Variants in UMODL1 observed in about 807,000 individuals in gnomAD.
The protein encoded by UMODL1 is uromodulin-like 1.
A neutral mutation model predicts 136.3 loss-of-function variants in UMODL1; 128 were observed. The ratio of observed to expected loss-of-function variants is 0.94; its 90% CI spans 0.81 to 1.09. The LOEUF is 1.09. Among genes scored for constraint, UMODL1 ranks in the 50% least tolerant of loss-of-function variants. UMODL1 has a pLI of 0.00. For missense variants in UMODL1, 1,766 were observed against 1,725.6 expected (o/e 1.02, Z -0.41); for synonymous variants, 721 against 720.0 (o/e 1.00, Z -0.02).
At chr21:42,094,007 C>T (rs907071451) in intron 6 of UMODL1, 4 of 445,704 alleles carry the variant, frequency 9.0e-6, no homozygotes, top group African/African-American at 6.1e-5. Flanking sequence ...TTCGTGAGCA[C>T]AGAAGGTTGG....
Position 42,085,110 on chromosome 21 carries a change from G to C in UMODL1, c.482-181G>C, listed in dbSNP as rs894892685. ...GGGACATTAGGATGGAGAGGAGCGA[G>C]GGGCGGGCAGTGAGGACATCCCCCG... On this transcript the variant is annotated intron_variant, in intron 3 of 22. Transcript: ENST00000408910. This position sits in a 1 kb window ranked among gnomAD's most constrained non-coding sequence, Gnocchi z 4.5. 4.6e-5 allele frequency among the ~76,000 whole-genome samples: 7 copies of C among 152,108 alleles called. No individual in the cohort carries two copies. The highest frequency in any genetic ancestry group is 7.2e-5 in the African/African-American group (3 of 41,408).
intron 21 of UMODL1, 113 bp downstream of exon 21, chr21:42,129,910 C>G: frequency 2.6e-6 from 2 of 764,730 alleles, no homozygotes; most frequent in Admixed American, 3.2e-5. Flanking sequence ...TGAGAGACTT[C>G]TAAGAGGCTT....
intron 21 of UMODL1, among the ~76,000 whole-genome samples, chr21:42,135,757 G>A (rs2067197770): frequency 2.0e-5 from 3 of 152,112 alleles, no homozygotes; most frequent in Admixed American, 1.3e-4. Context: ...GGTGGGAGGT[G>A]TTCCCTGTCC....
intron 11 of UMODL1, 162 bp downstream of exon 11, chr21:42,111,283 C>T (rs753021385): frequency 1.4e-6 from 2 of 1,387,150 alleles, no homozygotes; most frequent in Non-Finnish European, 1.9e-6. Context: ...GCCAGGTGAA[C>T]CCCAGCCAGC....
At chr21:42,072,719 C>T (rs762233403) in intron 1 of UMODL1, among the ~76,000 whole-genome samples, 15 of 152,238 alleles carry the variant, frequency 9.9e-5, no homozygotes, top group Non-Finnish European at 2.1e-4. Context: ...ATGACATGGG[C>T]GCAATCATGC....
intron 1 of UMODL1, among the ~76,000 whole-genome samples, chr21:42,073,386 G>C (rs1169837955): frequency 6.6e-6 from 1 of 152,178 alleles, no homozygotes; most frequent in Non-Finnish European, 1.5e-5. Flanking sequence ...CCCGTACGAT[G>C]AGGACCTCCC....
intron 2 of UMODL1, among the ~76,000 whole-genome samples, chr21:42,077,005 GTGT>G (rs1569140435): frequency 4.5e-3 from 20 of 4,430 alleles, no homozygotes; most frequent in South Asian, 0.013. Flanking sequence ...GGGGAGGGGT[GTGT>G]GTGTGTGTGT....
intron 6 of UMODL1, among the ~76,000 whole-genome samples, chr21:42,098,503 G>A (rs1188678682): frequency 3.9e-5 from 6 of 152,176 alleles, no homozygotes; most frequent in East Asian, 1.9e-4. Context: ...GTGCGGTGGC[G>A]CACACCTGTA....
At position 42,137,202 on chromosome 21, in the gene UMODL1, G is replaced by A. The variant is rs527585419; in HGVS notation, c.3776-237G>A. On this transcript the variant is annotated intron_variant, in intron 21 of 22. Transcript: ENST00000408910. Reference sequence around the variant, plus strand: ...CCCACCAGGAGGACCTGCTGGTCCCGCGCAGCCCCACCCTCAAGGCCCAGG... The same window carrying A: ...CCCACCAGGAGGACCTGCTGGTCCCACGCAGCCCCACCCTCAAGGCCCAGG... Among the ~76,000 whole-genome samples the A allele has an allele frequency of 3.9e-5, 6 of 152,330 alleles. No homozygotes were observed. The South Asian group carries it at 6.2e-4, about 16-fold the overall frequency.
At chr21:42,115,846 C>T in intron 13 of UMODL1, 27 bp from the exon 14 acceptor site, 1 of 1,558,590 alleles carries the variant, frequency 6.4e-7, no homozygotes, top group Non-Finnish European at 8.9e-7. Context: ...GCACCAATTC[C>T]AAATGTGCTT....
rs370511715 is a variant in UMODL1 at position 42,084,050 on chromosome 21, C to T, written c.320-34C>T. On this transcript the variant is annotated intron_variant, in intron 2 of 22. Transcript: ENST00000408910. ...GCAGCAAATCAGGTTTGTCTTTTAT[C>T]GCCAGTATCATTAATTGTATCATTT... 88 of 1,603,830 alleles carry T rather than the reference C, an allele frequency of 5.5e-5. 1 individual carries two copies. Among genetic ancestry groups the T allele is most frequent in the Middle Eastern group, 3.3e-4 (2 of 6,024 alleles).
At chr21:42,103,135 C>G (rs544360229) in intron 8 of UMODL1, 1 of 167,264 alleles carries the variant, frequency 6.0e-6, no homozygotes, top group African/African-American at 2.4e-5. Context: ...GAGCCAATAT[C>G]TCTCCCTCCC....
chr21:42,096,939 C>T lies in UMODL1; in HGVS notation c.932-1987C>T, dbSNP rs192389059. Among the ~76,000 whole-genome samples the T allele has an allele frequency of 3.7e-4, 57 of 152,334 alleles. No individual in the cohort carries two copies. In the South Asian group the frequency reaches 3.9e-3, roughly 11 times the overall value. On this transcript the variant is annotated intron_variant, in intron 6 of 22. Transcript: ENST00000408910. ...GAGACATATGTTCCCAAGGAACAGA[C>T]TTTAAGAAGCCGGGTGGTTGTTAGA...
intron 13 of UMODL1, among the ~76,000 whole-genome samples, chr21:42,114,744 G>A (rs1165152166): frequency 6.6e-6 from 1 of 152,238 alleles, no homozygotes; most frequent in African/African-American, 2.4e-5. Flanking sequence ...GCACGTTCAC[G>A]AGCAGCTGGA....
At position 42,126,293 on chromosome 21, in the gene UMODL1, G is replaced by A. The variant is rs117515388; in HGVS notation, c.3148-52G>A. ...CTAGAGCCGTGGCCCACAGCAGGGC[G>A]TGGGGGGCCGGCTGGGGCCTGGGAG... On this transcript the variant is annotated intron_variant, in intron 17 of 22. Coordinates refer to ENST00000408910, the MANE Select transcript of UMODL1 (RefSeq NM_001004416.3). 2,687 of 1,608,962 alleles carry A rather than the reference G, an allele frequency of 1.7e-3. 20 individuals carry two copies. The East Asian group carries it at 0.02, about 12-fold the overall frequency.
chr21:42,093,867 G>A (rs963018650), intron 6 of UMODL1: 37 of 456,426 alleles, frequency 8.1e-5, no homozygotes, highest in African/African-American at 5.0e-4. Flanking sequence ...CCTGTACCCC[G>A]CAGCACGTGG....
chr21:42,081,190 G>A (rs975652202), intron 2 of UMODL1, among the ~76,000 whole-genome samples: 10 of 152,108 alleles, frequency 6.6e-5, no homozygotes, highest in Admixed American at 1.3e-4. Context: ...TCCTGTCCCC[G>A]CATGCTGATG....
chr21:42,119,203 G>C lies in UMODL1; in HGVS notation c.2568G>C (p.Val856=). Reference sequence around the variant, plus strand: ...TCAGCGTCACCAACGGCAGCATCGTGGTGGAGTTTCACTTGCTGATAATCG... The same window carrying C: ...TCAGCGTCACCAACGGCAGCATCGTCGTGGAGTTTCACTTGCTGATAATCG... The part of the protein sequence containing the change: ...EVVSVTNGSI[V]VEFHLLIIAD... The change falls in exon 15 of 23, where the codon GTG becomes GTC. Residue 856 remains valine, a synonymous_variant. Transcript: ENST00000408910. 6.2e-7 allele frequency: 1 copy of C among 1,614,224 alleles called. No homozygotes were observed. The highest frequency in any genetic ancestry group is 8.5e-7 in the Non-Finnish European group (1 of 1,180,024).
intron 7 of UMODL1, chr21:42,101,559 C>A: frequency 2.7e-6 from 1 of 369,732 alleles, no homozygotes; most frequent in South Asian, 2.0e-5. Flanking sequence ...TGCCCGCCGA[C>A]GCTTGGGTTG....
Sources: gnomAD v4.1 joint callset for allele counts (sites outside exome capture counted in the v4.1 genomes callset) on GRCh38, gnomAD v4.1.1 for gene constraint, Gnocchi (gnomAD v3.1) non-coding constraint, MANE v1.5 for transcripts, NCBI Gene and HGNC (gene_info 2026-07-23, HGNC 2026-07-21) for gene names.